MTO1: variants seen among roughly 807,000 people sequenced by gnomAD.
MTO1 encodes mitochondrial tRNA translation optimization 1.
A neutral mutation model predicts 71.6 loss-of-function variants in MTO1; 46 were observed. The ratio of observed to expected loss-of-function variants is 0.64; its 90% CI spans 0.51 to 0.82. The LOEUF is 0.82. Among genes scored for constraint, MTO1 ranks in the 40% least tolerant of loss-of-function variants. MTO1 has a pLI of 0.00. For missense variants in MTO1, 773 were observed against 867.5 expected (o/e 0.89, Z 1.37); for synonymous variants, 297 against 312.1 (o/e 0.95, Z 0.51).
At chr6:73,462,281 C>T in intron 1 of MTO1, 2 of 602,472 alleles carry the variant, frequency 3.3e-6, no homozygotes, top group Non-Finnish European at 5.8e-6. Flanking sequence ...ATAGATTATG[C>T]TGCTGCTGAC....
intron 3 of MTO1, among the ~76,000 whole-genome samples, chr6:73,467,709 C>T (rs1771041357): frequency 6.6e-6 from 1 of 152,136 alleles, no homozygotes; most frequent in Admixed American, 6.6e-5. Context: ...GACACTTCAG[C>T]TTTTTTAGTT....
chr6:73,493,537 C>T (rs1477115538), intron 10 of MTO1, among the ~76,000 whole-genome samples: 1 of 151,702 alleles, frequency 6.6e-6, no homozygotes, highest in African/African-American at 2.4e-5. Context: ...GTTACAGGGC[C>T]CCGCCACAAG....
At position 73,497,154 on chromosome 6, in the gene MTO1, A is replaced by ATTTTTTTTTTT. The variant is rs1249968654; in HGVS notation, c.1757-580_1757-579insTTTTTTTTTTT. 1.1e-3 allele frequency among the ~76,000 whole-genome samples: 33 copies of ATTTTTTTTTTT among 30,318 alleles called. 1 individual carries two copies. Among genetic ancestry groups the ATTTTTTTTTTT allele is most frequent in the South Asian group, 1.6e-3 (1 of 626 alleles). 19.9% of individuals were successfully genotyped at this position (30,318 alleles called of 152,430 possible). A position where few individuals can be genotyped will look rare whatever the true frequency, so the allele number is the denominator to read the frequency against. ...AGATTTGCACTGACAGCGGAAGCAA[A>ATTTTTTTTTTT]TTCTTTTTTTTTTTTTGAGACAGAG... On this transcript the variant is annotated intron_variant, in intron 10 of 11. Coordinates refer to ENST00000498286, the MANE Select transcript of MTO1 (RefSeq NM_012123.4).
chr6:73,471,462 T>C (rs1274178663), intron 3 of MTO1: 1 of 450,318 alleles, frequency 2.2e-6, no homozygotes, highest in East Asian at 7.1e-5. Flanking sequence ...TTTCTTAGGC[T>C]GGAGTGCAGT....
Position 73,508,248 on chromosome 6 carries a change from A to C in MTO1, c.*7513A>C, listed in dbSNP as rs1772339712. On this transcript the variant is annotated 3_prime_UTR_variant, in exon 12 of 12. Transcript: ENST00000498286. Reference sequence around the variant, plus strand: ...TATTCCTCCTATATCTGAAGACAATAATAATTTCTTAGAATTTGCTAGGCT... The same window carrying C: ...TATTCCTCCTATATCTGAAGACAATCATAATTTCTTAGAATTTGCTAGGCT... The C allele has an allele frequency of 6.6e-6, 1 of 152,198 alleles. No homozygotes were observed. The highest frequency in any genetic ancestry group is 1.5e-5 in the Non-Finnish European group (1 of 68,032). The allele number at this position is 152,198 out of a possible 1,614,324, so 9.4% of individuals were successfully genotyped here.
chr6:73,497,692 A>G, intron 10 of MTO1, 44 bp from the exon 11 acceptor site: 1 of 1,570,046 alleles, frequency 6.4e-7, no homozygotes, highest in African/African-American at 1.4e-5. Flanking sequence ...TGTTAGTATA[A>G]TATAATCTGG....
intron 9 of MTO1, among the ~76,000 whole-genome samples, chr6:73,483,183 C>G (rs180712238): frequency 2.0e-5 from 3 of 151,988 alleles, no homozygotes; most frequent in Non-Finnish European, 4.4e-5. Context: ...CCAAGGCAGT[C>G]GGATCACTTG....
chr6:73,488,505 G>T (rs956127333), intron 9 of MTO1, among the ~76,000 whole-genome samples: 90 of 152,184 alleles, frequency 5.9e-4, no homozygotes, highest in African/African-American at 1.9e-3. Context: ...AGTTCTTTAT[G>T]TATACTGGAT....
At chr6:73,496,284 A>C (rs755911929) in intron 10 of MTO1, among the ~76,000 whole-genome samples, 1 of 152,184 alleles carries the variant, frequency 6.6e-6, no homozygotes, top group Non-Finnish European at 1.5e-5. Flanking sequence ...AGGTTTTAAA[A>C]CAGGTTTTTA....
chr6:73,484,665 G>C (rs1055397146), intron 9 of MTO1, among the ~76,000 whole-genome samples: 4 of 152,170 alleles, frequency 2.6e-5, no homozygotes, highest in African/African-American at 7.2e-5. Context: ...GGAAATGGTT[G>C]TAGTGTAAGC....
intron 10 of MTO1, among the ~76,000 whole-genome samples, chr6:73,496,170 C>G (rs1771973051): frequency 6.6e-6 from 1 of 152,186 alleles, no homozygotes; most frequent in African/African-American, 2.4e-5. Context: ...GAGTCAGACA[C>G]AGAGATGAGA....
At chr6:73,488,578 C>T (rs1333529051) in intron 9 of MTO1, among the ~76,000 whole-genome samples, 4 of 151,894 alleles carry the variant, frequency 2.6e-5, no homozygotes, top group Admixed American at 2.0e-4. Flanking sequence ...ATTGTGTTTT[C>T]ACTCTGTTGT....
chr6:73,492,083 G>A (rs1237611345), intron 9 of MTO1, 151 bp from the exon 10 acceptor site: 1 of 528,092 alleles, frequency 1.9e-6, no homozygotes, highest in East Asian at 3.4e-5. Context: ...GTTGATGGGC[G>A]ACAGAGCGAG....
chr6:73,499,549 T>G (rs1292491935), intron 11 of MTO1, among the ~76,000 whole-genome samples: 1 of 150,360 alleles, frequency 6.7e-6, no homozygotes, highest in African/African-American at 2.4e-5. Context: ...AAAAATTAAA[T>G]AAAATGTAAA....
intron 10 of MTO1, chr6:73,492,801 A>G (rs693434): frequency 0.67 from 91,824 of 137,204 alleles, 29,616 homozygotes; most frequent in South Asian, 0.75. Context: ...GAGCAAGATG[A>G]CATCTAAAAA....
intron 3 of MTO1, among the ~76,000 whole-genome samples, chr6:73,468,352 C>G (rs1236005278): frequency 2.0e-5 from 3 of 152,104 alleles, no homozygotes; most frequent in Non-Finnish European, 4.4e-5. Flanking sequence ...CTCCTGACCT[C>G]AAGCGATCCG....
intron 4 of MTO1, among the ~76,000 whole-genome samples, chr6:73,475,773 A>G (rs1771296971): frequency 6.6e-6 from 1 of 151,978 alleles, no homozygotes. Context: ...CGGCCTCCCA[A>G]AGTGTTGGGA....
Position 73,461,781 on chromosome 6 carries a change from T to C in MTO1, c.-74T>C, listed in dbSNP as rs1482262714. The C allele has an allele frequency of 6.7e-6, 10 of 1,484,944 alleles. No individual in the cohort carries two copies. Among genetic ancestry groups the C allele is most frequent in the Non-Finnish European group, 9.3e-6 (10 of 1,077,510 alleles). The allele number at this position is 1,484,944 out of a possible 1,614,324, so 92.0% of individuals were successfully genotyped here. On this transcript the variant is annotated 5_prime_UTR_variant, in exon 1 of 12. Coordinates refer to ENST00000498286, the MANE Select transcript of MTO1 (RefSeq NM_012123.4). Reference sequence around the variant, plus strand: ...AAGCAAGATGGCCGCGCCCTGCAGATTGTCTCTTGTTGCGTAAGTTTTTTT... The same window carrying C: ...AAGCAAGATGGCCGCGCCCTGCAGACTGTCTCTTGTTGCGTAAGTTTTTTT...
chr6:73,498,617 T>C (rs1163743828), intron 11 of MTO1, among the ~76,000 whole-genome samples: 2 of 152,042 alleles, frequency 1.3e-5, no homozygotes, highest in Non-Finnish European at 2.9e-5. Context: ...AACTTTTAAT[T>C]TACTATATAG....
Sources: gnomAD v4.1 joint callset for allele counts (sites outside exome capture counted in the v4.1 genomes callset) on GRCh38, gnomAD v4.1.1 for gene constraint, MANE v1.5 for transcripts, NCBI Gene and HGNC (gene_info 2026-07-23, HGNC 2026-07-21) for gene names.